SLC14A2: variants seen among roughly 807,000 people sequenced by gnomAD.
SLC14A2 encodes the protein urea transporter 2.
A neutral mutation model predicts 104.6 loss-of-function variants in SLC14A2; 91 were observed. The observed-to-expected ratio is 0.87, with a 90% CI of 0.73 to 1.04. The LOEUF is 1.04. Ranked by LOEUF, SLC14A2 falls within the 50% of genes least tolerant of loss-of-function variation. The pLI is 0.00. For missense variants in SLC14A2, 1,189 were observed against 1,156.0 expected, an observed-to-expected ratio of 1.03 and a Z score of -0.41; for synonymous variants, 476 against 466.4, an observed-to-expected ratio of 1.02 and a Z score of -0.27.
At chr18:45,609,597 A>G (rs1004422148) in intron 2 of SLC14A2, among the ~76,000 whole-genome samples, 7 of 152,086 alleles carry the variant, frequency 4.6e-5, no homozygotes, top group African/African-American at 1.2e-4. Context: ...GTTCACCTCA[A>G]CCTAAGTCCA....
chr18:45,324,393 A>T (rs941465854), intron 1 of SLC14A2, among the ~76,000 whole-genome samples: 4 of 152,130 alleles, frequency 2.6e-5, no homozygotes, highest in Non-Finnish European at 4.4e-5. Context: ...CAAGATTCAC[A>T]TCTCTAAGTC....
intron 2 of SLC14A2, among the ~76,000 whole-genome samples, chr18:45,604,959 A>G (rs1414942556): frequency 2.0e-5 from 3 of 152,186 alleles, no homozygotes. Flanking sequence ...TTGGGCTTCT[A>G]TTAGTCTTCT....
chr18:45,388,203 C>A (rs896711641), intron 1 of SLC14A2, among the ~76,000 whole-genome samples: 1 of 150,714 alleles, frequency 6.6e-6, no homozygotes, highest in African/African-American at 2.4e-5. Context: ...AGCCTCCCTA[C>A]AGGTGCCTGC....
At chr18:45,449,991 G>A (rs2086832457) in intron 1 of SLC14A2, among the ~76,000 whole-genome samples, 2 of 152,182 alleles carry the variant, frequency 1.3e-5, no homozygotes, top group Admixed American at 1.3e-4. Flanking sequence ...ACACCCAGCT[G>A]GCATCGGTCC....
intron 1 of SLC14A2, among the ~76,000 whole-genome samples, chr18:45,241,028 C>A (rs1210856741): frequency 1.3e-5 from 2 of 152,166 alleles, no homozygotes; most frequent in Admixed American, 1.3e-4. Context: ...TGCTCCTACC[C>A]TCTGAGAACC....
Position 45,339,422 on chromosome 18 carries a change from A to C in SLC14A2, c.-125+126231A>C, listed in dbSNP as rs190665497. On this transcript the variant is annotated intron_variant, in intron 1 of 20. Coordinates refer to the SLC14A2 transcript ENST00000586448. ...GAAATAAAGAAAGCTGAATGCCTGC[A>C]GTAGGTGCCTCTGGAGCTACAGTTT... Among the ~76,000 whole-genome samples the C allele has an allele frequency of 3.0e-4, 45 of 152,358 alleles. 1 individual carries two copies. The highest frequency in any genetic ancestry group is 6.8e-3 in the Middle Eastern group (2 of 294).
At chr18:45,229,394 C>T (rs940425183) in intron 1 of SLC14A2, among the ~76,000 whole-genome samples, 12 of 150,130 alleles carry the variant, frequency 8.0e-5, no homozygotes, top group Admixed American at 4.0e-4. Context: ...CAATGATCCC[C>T]GTAGGTTTTT....
At chr18:45,539,960 G>A (rs1466902546) in intron 2 of SLC14A2, among the ~76,000 whole-genome samples, 1 of 152,010 alleles carries the variant, frequency 6.6e-6, no homozygotes, top group Admixed American at 6.6e-5. Flanking sequence ...TACTGTATGT[G>A]AAACAGGGAA....
rs144906581 is a variant in SLC14A2 at position 45,440,207 on chromosome 18, T to C, written c.-124-43026T>C. Among the ~76,000 whole-genome samples, 389 of 142,052 alleles carry C rather than the reference T, an allele frequency of 2.7e-3. 1 individual carries two copies. Among genetic ancestry groups the C allele is most frequent in the African/African-American group, 9.7e-3 (374 of 38,688 alleles). The allele number at this position is 142,052 out of a possible 152,430, so 93.2% of individuals were successfully genotyped here. On this transcript the variant is annotated intron_variant, in intron 1 of 20. Coordinates refer to the SLC14A2 transcript ENST00000586448. ...CTATGCAAACACTGTTTCAGAGAAA[T>C]CATTTTTCAAGTTTTTTTTTTTTTA...
chr18:45,669,647 C>A, intron 16 of SLC14A2, 149 bp downstream of exon 16: 1 of 665,702 alleles, frequency 1.5e-6, no homozygotes, highest in Non-Finnish European at 2.5e-6. Context: ...CATGAGCTGC[C>A]ATCCTTTTCT....
the SLC14A2 span, among the ~76,000 whole-genome samples, chr18:45,189,597 G>A: frequency 1.3e-5 from 2 of 152,206 alleles, no homozygotes; most frequent in Non-Finnish European, 2.9e-5. Context: ...CACTAGCTGT[G>A]TGATATTGGC....
intron 1 of SLC14A2, among the ~76,000 whole-genome samples, chr18:45,285,030 CA>C (rs35889367): frequency 1.0e-3 from 145 of 143,306 alleles, no homozygotes; most frequent in Admixed American, 2.0e-3. Flanking sequence ...CAGGTTTGCA[CA>C]AAAAAAAAAA....
chr18:45,522,395 CA>C (rs1417124965), intron 2 of SLC14A2, among the ~76,000 whole-genome samples: 22 of 152,146 alleles, frequency 1.4e-4, no homozygotes, highest in Non-Finnish European at 3.2e-4. Context: ...CTTGACATTG[CA>C]GACCTGGGAG....
chr18:45,616,823 T>G (rs2045079051), intron 1 of SLC14A2, among the ~76,000 whole-genome samples: 1 of 152,028 alleles, frequency 6.6e-6, no homozygotes, highest in African/African-American at 2.4e-5. Flanking sequence ...AAGGACCGGG[T>G]GCAGTGGCTC....
intron 1 of SLC14A2, among the ~76,000 whole-genome samples, chr18:45,300,115 G>GA (rs1169071066): frequency 6.6e-6 from 1 of 152,062 alleles, no homozygotes; most frequent in Admixed American, 6.6e-5. Flanking sequence ...AAAAGACAAG[G>GA]CTATCACGAG....
rs1045507611 is a variant in SLC14A2, at chr18:45,226,528, A to T, written c.-125+13337A>T. Among the ~76,000 whole-genome samples the T allele has an allele frequency of 1.3e-5, 2 of 152,110 alleles. 1 individual carries two copies. The highest frequency in any genetic ancestry group is 4.8e-5 in the African/African-American group (2 of 41,406). ...GTTCATGTCCTTTGTTGGGACATGG[A>T]TGAAGCTGGAAACCATCATTCTGAG... is the stretch of plus-strand genomic sequence containing the variant. On this transcript the variant is annotated intron_variant, in intron 1 of 20. Coordinates refer to the SLC14A2 transcript ENST00000586448.
rs149022445 is a variant in SLC14A2, at chr18:45,595,049, C to A, written c.-34-29582C>A. On this transcript the variant is annotated intron_variant, in intron 2 of 20. Coordinates refer to the SLC14A2 transcript ENST00000586448. The stretch of plus-strand genomic sequence containing the variant: ...CCCAGACATTCACTCTGCCATGAAA[C>A]CTTTCCACATTAACCACCCGGAAAT... Among the ~76,000 whole-genome samples, 304 of 152,306 alleles carry A rather than the reference C, an allele frequency of 2.0e-3. 1 individual carries two copies. Among genetic ancestry groups the A allele is most frequent in the African/African-American group, 6.9e-3 (288 of 41,556 alleles).
At chr18:45,199,882 G>A in the SLC14A2 span, among the ~76,000 whole-genome samples, 1 of 152,174 alleles carries the variant, frequency 6.6e-6, no homozygotes, top group Non-Finnish European at 1.5e-5. Context: ...GAAAAACCAT[G>A]TTCCTAGAAG....
chr18:45,675,885 G>A (rs747709080), intron 18 of SLC14A2, among the ~76,000 whole-genome samples: 11 of 151,820 alleles, frequency 7.2e-5, no homozygotes, highest in East Asian at 3.9e-4. Flanking sequence ...TTACTTGTGC[G>A]TAGGGCCCAT....
Sources: allele counts gnomAD v4.1 joint callset (sites outside exome capture counted in the v4.1 genomes callset), GRCh38; gene constraint gnomAD v4.1.1; transcripts MANE v1.5; gene names NCBI Gene and HGNC (gene_info 2026-07-23, HGNC 2026-07-21).